Variants in THSD7A observed in about 807,000 individuals in gnomAD.
THSD7A encodes the protein thrombospondin type-1 domain-containing protein 7A.
A neutral mutation model predicts 231.3 loss-of-function variants in THSD7A; 96 were observed. The observed-to-expected ratio is 0.41, with a 90% CI of 0.35 to 0.49. The LOEUF (loss-of-function observed/expected upper bound fraction) is 0.49, where lower values mean the gene tolerates loss of function less well. Among genes scored for constraint, THSD7A ranks in the 20% least tolerant of loss-of-function variants. The pLI, the probability that THSD7A is intolerant of heterozygous loss-of-function variation, is 0.05. For missense variants in THSD7A, 2,290 were observed against 2,070.2 expected (o/e 1.11, Z -2.06); for synonymous variants, 940 against 743.3 (o/e 1.26, Z -4.30).
At chr7:11,528,876 C>T (rs1372335686) in intron 6 of THSD7A, among the ~76,000 whole-genome samples, 5 of 151,994 alleles carry the variant, frequency 3.3e-5, no homozygotes, top group Non-Finnish European at 4.4e-5. Context: ...TCCTCAGCTT[C>T]GACTTAACAC....
At chr7:11,458,639 A>C (rs536581763) in intron 11 of THSD7A, among the ~76,000 whole-genome samples, 3 of 152,258 alleles carry the variant, frequency 2.0e-5, no homozygotes, top group Admixed American at 1.3e-4. Flanking sequence ...GAAATCAAAA[A>C]TGGAACAATC....
chr7:11,576,926 C>T (rs1270216095), intron 4 of THSD7A, among the ~76,000 whole-genome samples: 2 of 152,136 alleles, frequency 1.3e-5, no homozygotes, highest in African/African-American at 4.8e-5. Flanking sequence ...ATACCCAGGG[C>T]ATTTATTCTG....
At chr7:11,518,613 A>ACACACACACG (rs1554329519) in intron 6 of THSD7A, among the ~76,000 whole-genome samples, 1 of 151,732 alleles carries the variant, frequency 6.6e-6, no homozygotes. Flanking sequence ...ACACACACAC[A>ACACACACACG]CACACACGCA....
chr7:11,533,040 G>A (rs1788768210), intron 6 of THSD7A, among the ~76,000 whole-genome samples: 1 of 152,118 alleles, frequency 6.6e-6, no homozygotes, highest in Non-Finnish European at 1.5e-5. Flanking sequence ...AGACTCACAT[G>A]TAGCCCAAAA....
chr7:11,376,060 G>A (rs1412324857), intron 27 of THSD7A, among the ~76,000 whole-genome samples, 182 bp from the exon 28 acceptor site: 2 of 151,962 alleles, frequency 1.3e-5, no homozygotes, highest in African/African-American at 4.8e-5. Flanking sequence ...TTTATGCTTT[G>A]AATAAACTCT....
chr7:11,615,786 T>C (rs1490944569), intron 2 of THSD7A, among the ~76,000 whole-genome samples: 1 of 152,200 alleles, frequency 6.6e-6, no homozygotes, highest in Non-Finnish European at 1.5e-5. Context: ...ATTGATTTAA[T>C]CCAGATTTTC....
intron 2 of THSD7A, among the ~76,000 whole-genome samples, chr7:11,631,421 G>C (rs898680621): frequency 6.6e-6 from 1 of 151,950 alleles, no homozygotes; most frequent in Non-Finnish European, 1.5e-5. Flanking sequence ...GGTAATAACT[G>C]CATGATTTTG....
chr7:11,403,196 A>C (rs1783468208), intron 22 of THSD7A, among the ~76,000 whole-genome samples: 2 of 152,152 alleles, frequency 1.3e-5, no homozygotes. Flanking sequence ...AATAATTCAT[A>C]TTGCCTTATA....
chr7:11,638,852 G>GA (rs1328534946), intron 1 of THSD7A, among the ~76,000 whole-genome samples: 10 of 151,880 alleles, frequency 6.6e-5, no homozygotes, highest in Non-Finnish European at 4.4e-5. Flanking sequence ...ACTTGCCAAA[G>GA]AAAAAATATA....
chr7:11,402,121 T>G (rs1456872170), intron 22 of THSD7A, among the ~76,000 whole-genome samples, 153 bp from the exon 23 acceptor site: 3 of 152,246 alleles, frequency 2.0e-5, no homozygotes, highest in Admixed American at 2.0e-4. Context: ...TATTTGTAAA[T>G]TTGTAATTGT....
intron 1 of THSD7A, among the ~76,000 whole-genome samples, chr7:11,696,113 G>A (rs1780388738): frequency 6.6e-6 from 1 of 151,406 alleles, no homozygotes; most frequent in Admixed American, 6.6e-5. Flanking sequence ...AGTAAAACCT[G>A]GTTTGGTGAG....
In THSD7A at chr7:11,456,084, G is replaced by C. The variant is rs185947512; in HGVS notation, c.2605+4578C>G. On this transcript the variant is annotated intron_variant, in intron 11 of 27. Transcript: ENST00000423059. ...TCTATCAATATGGAAGGGTCCAGAC[G>C]TTGGAGAAGAACTGAATCATAATAG... 1.3e-4 allele frequency among the ~76,000 whole-genome samples: 20 copies of C among 152,130 alleles called. No homozygotes were observed. The East Asian group carries it at 3.3e-3, about 25-fold the overall frequency.
chr7:11,697,714 A>C (rs1292897401), intron 1 of THSD7A, among the ~76,000 whole-genome samples: 1 of 151,308 alleles, frequency 6.6e-6, no homozygotes, highest in Non-Finnish European at 1.5e-5. Flanking sequence ...ATGATGAGAG[A>C]AGCAAGTGTT....
intron 6 of THSD7A, among the ~76,000 whole-genome samples, chr7:11,525,863 T>C (rs934244730): frequency 4.6e-5 from 7 of 152,302 alleles, no homozygotes; most frequent in African/African-American, 1.4e-4. Flanking sequence ...TGGATATACA[T>C]GTCCACATTC....
intron 6 of THSD7A, among the ~76,000 whole-genome samples, chr7:11,503,226 C>A (rs1364549474): frequency 1.3e-5 from 2 of 152,092 alleles, no homozygotes; most frequent in Non-Finnish European, 2.9e-5. Flanking sequence ...ACTTCCTGTT[C>A]AATAAATGGT....
chr7:11,512,326 C>T (rs1398461777), intron 6 of THSD7A, among the ~76,000 whole-genome samples: 1 of 152,136 alleles, frequency 6.6e-6, no homozygotes, highest in Non-Finnish European at 1.5e-5. Flanking sequence ...AACAATTTTA[C>T]ACTGTTGGTG....
Position 11,377,429 on chromosome 7 carries a change from A to T in THSD7A, c.4802-772T>A, listed in dbSNP as rs1782319982. 6.6e-6 allele frequency among the ~76,000 whole-genome samples: 1 copy of T among 152,092 alleles called. No homozygotes were observed. Among genetic ancestry groups the T allele is most frequent in the South Asian group, 2.1e-4 (1 of 4,832 alleles). ...AATTTAATTTGATCCTCACATCAAC[A>T]TATATTTTCTGTTGCAATTAAATAT... On this transcript the variant is annotated intron_variant, in intron 26 of 27. Coordinates refer to ENST00000423059, the MANE Select transcript of THSD7A (RefSeq NM_015204.3). The surrounding 1 kb of genome is among the most constrained non-coding windows in gnomAD (Gnocchi z 4.5).
intron 1 of THSD7A, among the ~76,000 whole-genome samples, chr7:11,673,242 G>C (rs1434163333): frequency 6.6e-6 from 1 of 152,118 alleles, no homozygotes; most frequent in Non-Finnish European, 1.5e-5. Flanking sequence ...CCATATTGCT[G>C]TTGTGGACAC....
intron 1 of THSD7A, among the ~76,000 whole-genome samples, chr7:11,638,313 C>G (rs557880905): frequency 7.9e-5 from 12 of 152,172 alleles, no homozygotes; most frequent in Non-Finnish European, 1.5e-4. Context: ...CAAAACCATT[C>G]TGGATTTTAG....
Sources: gnomAD v4.1 joint callset for allele counts (sites outside exome capture counted in the v4.1 genomes callset) on GRCh38, gnomAD v4.1.1 for gene constraint, Gnocchi (gnomAD v3.1) non-coding constraint, MANE v1.5 for transcripts, NCBI Gene and HGNC (gene_info 2026-07-23, HGNC 2026-07-21) for gene names.